MFSD1: variants seen among roughly 807,000 people sequenced by gnomAD.
MFSD1 encodes major facilitator superfamily domain containing 1.
In MFSD1, 59 loss-of-function variants were observed where a neutral mutation model predicts 67.1. That is an observed-to-expected ratio of 0.88 (90% CI 0.71 to 1.09). MFSD1 has a LOEUF of 1.09. Ranked by LOEUF, MFSD1 falls within the 50% of genes least tolerant of loss-of-function variation. The pLI is 0.00. For missense variants in MFSD1, 552 were observed against 566.1 expected, an observed-to-expected ratio of 0.97 and a Z score of 0.25; for synonymous variants, 213 against 200.3, an observed-to-expected ratio of 1.06 and a Z score of -0.54.
chr3:158,805,216 G>C (rs1274892550), intron 2 of MFSD1, 146 bp from the exon 3 acceptor site: 1 of 672,374 alleles, frequency 1.5e-6, no homozygotes, highest in Non-Finnish European at 2.6e-6. Flanking sequence ...AAGGAAGTTA[G>C]TGAGACTTAT....
In MFSD1 at chr3:158,815,118, C is replaced by T. The variant is rs530123302; in HGVS notation, c.652+1051C>T. Among the ~76,000 whole-genome samples, 4 of 152,228 alleles carry T rather than the reference C, an allele frequency of 2.6e-5. No individual in the cohort carries two copies. The East Asian group carries it at 7.7e-4, about 29-fold the overall frequency. On this transcript the variant is annotated intron_variant, in intron 7 of 15. Coordinates refer to ENST00000415822, the MANE Select transcript of MFSD1 (RefSeq NM_022736.4). ...AACAAAAAAACAACCAACCAACCAA[C>T]CAAACAAAACGTCCATAGCATAAGG...
Position 158,802,078 on chromosome 3 carries a change from G to C in MFSD1, c.-75G>C. The C allele has an allele frequency of 6.4e-7, 1 of 1,569,786 alleles. No homozygotes were observed. Among genetic ancestry groups the C allele is most frequent in the African/African-American group, 1.3e-5 (1 of 74,500 alleles). ...GAGTCATGTGACCGCCGTCTTGACAGTGTTCCACGGGCGCTGCTTCCTGCC... is the reference window on the plus strand; with the variant it reads ...GAGTCATGTGACCGCCGTCTTGACACTGTTCCACGGGCGCTGCTTCCTGCC... On this transcript the variant is annotated 5_prime_UTR_variant, in exon 1 of 16. Coordinates refer to ENST00000415822, the MANE Select transcript of MFSD1 (RefSeq NM_022736.4).
At chr3:158,819,322 GA>G (rs1730546367) in intron 7 of MFSD1, among the ~76,000 whole-genome samples, 1 of 152,188 alleles carries the variant, frequency 6.6e-6, no homozygotes, top group Non-Finnish European at 1.5e-5. Flanking sequence ...ATGAAGAAAT[GA>G]GGACTACATC....
At chr3:158,812,348 A>G (rs1404799347) in intron 6 of MFSD1, among the ~76,000 whole-genome samples, 2 of 152,214 alleles carry the variant, frequency 1.3e-5, no homozygotes, top group Admixed American at 6.5e-5. Flanking sequence ...TTTGATCATA[A>G]AATCATCTTA....
At position 158,826,033 on chromosome 3, in the gene MFSD1, T is replaced by C. The variant is rs1404916221; in HGVS notation, c.1307T>C (p.Val436Ala). The C allele has an allele frequency of 6.2e-7, 1 of 1,613,594 alleles. No homozygotes were observed. The highest frequency in any genetic ancestry group is 2.2e-5 in the East Asian group (1 of 44,866). Residue 436 changes from valine (V) to alanine (A), a missense_variant, in exon 14 of 16, where the codon GTC becomes GCC. Transcript: ENST00000415822. The stretch of plus-strand genomic sequence containing the variant: ...CTCCTAGTGTCACTTTTATCTGTGG[T>C]CTTACTCTATTTGGTGAATCGTGCC... ...ACVSLSLLSV[V>A]LLYLVNRAQG...
At chr3:158,805,304 TGTTA>T in intron 2 of MFSD1, 54 bp from the exon 3 acceptor site, 1 of 1,281,884 alleles carries the variant, frequency 7.8e-7, no homozygotes, top group South Asian at 1.2e-5. Context: ...TATTTTGATT[TGTTA>T]GTTGCTAAAC....
intron 7 of MFSD1, among the ~76,000 whole-genome samples, chr3:158,817,315 G>T (rs988666879): frequency 3.3e-5 from 5 of 152,092 alleles, no homozygotes; most frequent in African/African-American, 9.7e-5. Flanking sequence ...AATTGTCCCT[G>T]TTTGCAGACA....
chr3:158,802,728 G>C, intron 1 of MFSD1: 1 of 369,640 alleles, frequency 2.7e-6, no homozygotes. Context: ...TGAGACAGGG[G>C]CTTGCTCTGT....
intron 11 of MFSD1, chr3:158,822,778 G>A (rs1430805800): frequency 1.3e-5 from 2 of 154,062 alleles, no homozygotes; most frequent in Non-Finnish European, 2.9e-5. Flanking sequence ...TTGAGATTGT[G>A]AAACTTTCTC....
chr3:158,810,026 C>T lies in MFSD1; in HGVS notation c.549+739C>T, dbSNP rs113902774. Among the ~76,000 whole-genome samples the T allele has an allele frequency of 7.2e-5, 11 of 152,150 alleles. 2 individuals carry two copies. Among genetic ancestry groups the T allele is most frequent in the African/African-American group, 2.7e-4 (11 of 41,504 alleles). On this transcript the variant is annotated intron_variant, in intron 6 of 15. Transcript: ENST00000415822. ...CTAGCGGGAACAACATTATGGGTTT[C>T]GTTTGTTTGTTTGTTTGAGACAGGG...
intron 7 of MFSD1, among the ~76,000 whole-genome samples, chr3:158,817,918 C>T (rs1730460356): frequency 1.3e-5 from 2 of 151,844 alleles, no homozygotes; most frequent in South Asian, 4.2e-4. Context: ...AAATTATCTC[C>T]TGTTCAATTT....
chr3:158,825,694 C>T (rs992819300), intron 13 of MFSD1, among the ~76,000 whole-genome samples: 2 of 152,092 alleles, frequency 1.3e-5, no homozygotes, highest in Non-Finnish European at 2.9e-5. Flanking sequence ...TTTGGTAAGT[C>T]CTGCAAAGGA....
At chr3:158,806,214 TAA>T (rs1269102425) in intron 3 of MFSD1, among the ~76,000 whole-genome samples, 3 of 152,218 alleles carry the variant, frequency 2.0e-5, no homozygotes, top group Non-Finnish European at 4.4e-5. Flanking sequence ...TTTGAAGAGT[TAA>T]AATATGAAGG....
At chr3:158,824,028 A>G (rs944695236) in intron 12 of MFSD1, 96 bp from the exon 13 acceptor site, 20 of 864,150 alleles carry the variant, frequency 2.3e-5, no homozygotes, top group Admixed American at 1.3e-4. Flanking sequence ...CACAAATAGT[A>G]TATGGTTCAC....
intron 6 of MFSD1, among the ~76,000 whole-genome samples, chr3:158,810,698 T>C (rs1729961268): frequency 6.6e-6 from 1 of 152,178 alleles, no homozygotes; most frequent in Non-Finnish European, 1.5e-5. Context: ...CCAGAGACGT[T>C]TACATCCCCA....
chr3:158,827,896 C>G (rs1414876718), intron 15 of MFSD1, among the ~76,000 whole-genome samples: 1 of 120,420 alleles, frequency 8.3e-6, no homozygotes, highest in African/African-American at 3.6e-5. Context: ...CAGAGAGAGA[C>G]ACAGAGAGAG....
chr3:158,825,494 T>A (rs904713183), intron 13 of MFSD1, among the ~76,000 whole-genome samples: 1 of 152,218 alleles, frequency 6.6e-6, no homozygotes, highest in Non-Finnish European at 1.5e-5. Context: ...GTTCTTCACT[T>A]ATTAAAGGAA....
intron 15 of MFSD1, among the ~76,000 whole-genome samples, 166 bp downstream of exon 15, chr3:158,827,503 T>G (rs763561318): frequency 1.3e-5 from 2 of 150,160 alleles, no homozygotes; most frequent in Non-Finnish European, 3.0e-5. Context: ...AAGCCTCAAC[T>G]TCCTCAGCTC....
chr3:158,815,184 C>T lies in MFSD1; in HGVS notation c.652+1117C>T, dbSNP rs548223439. Among the ~76,000 whole-genome samples the T allele has an allele frequency of 1.8e-4, 27 of 152,286 alleles. No individual in the cohort carries two copies. In the South Asian group the frequency reaches 5.6e-3, roughly 32 times the overall value. On this transcript the variant is annotated intron_variant, in intron 7 of 15. Coordinates refer to ENST00000415822, the MANE Select transcript of MFSD1 (RefSeq NM_022736.4). ...TTAATCAAATACTGACTTTTTCCGT[C>T]AGTGTGCCTGGAAAGCTTAGATTTT...
Sources: allele counts gnomAD v4.1 joint callset (sites outside exome capture counted in the v4.1 genomes callset), GRCh38; gene constraint gnomAD v4.1.1; transcripts MANE v1.5; gene names NCBI Gene and HGNC (gene_info 2026-07-23, HGNC 2026-07-21).